CNOT1: variants seen among roughly 807,000 people sequenced by gnomAD.
CNOT1 encodes CCR4-NOT transcription complex subunit 1.
In CNOT1, 15 loss-of-function variants were observed where a neutral mutation model predicts 273.8. That is an observed-to-expected ratio of 0.05 (90% CI 0.04 to 0.08). CNOT1 has a LOEUF of 0.08. CNOT1 is among the 10% of genes least tolerant of loss of function. The pLI, the probability that CNOT1 is intolerant of heterozygous loss-of-function variation, is 1.00. For synonymous variants in CNOT1, 1,022 were observed against 1,005.5 expected, an observed-to-expected ratio of 1.02 and a Z score of -0.31; for missense variants, 1,644 against 2,912.2, an observed-to-expected ratio of 0.56 and a Z score of 10.02.
chr16:58,528,295 C>T (rs1567386492), intron 44 of CNOT1, 180 bp downstream of exon 44: 3 of 626,840 alleles, frequency 4.8e-6, no homozygotes, highest in Non-Finnish European at 2.8e-6. Context: ...TCACCAGCAA[C>T]AGCAATAGCA....
At chr16:58,597,959 A>T (rs1355508008) in intron 2 of CNOT1, 1 of 217,860 alleles carries the variant, frequency 4.6e-6, no homozygotes, top group Non-Finnish European at 9.1e-6. Flanking sequence ...GCCATCCCCA[A>T]CCCTGTTTAA....
chr16:58,536,393 C>T (rs549866112), intron 39 of CNOT1, among the ~76,000 whole-genome samples: 4 of 152,304 alleles, frequency 2.6e-5, no homozygotes, highest in Non-Finnish European at 5.9e-5. Context: ...TACTATGGCT[C>T]GGTTCCGACA....
intron 1 of CNOT1, among the ~76,000 whole-genome samples, chr16:58,613,201 T>A (rs2042958704): frequency 6.6e-6 from 1 of 152,018 alleles, no homozygotes; most frequent in Admixed American, 6.6e-5. Flanking sequence ...CCAGCTAATT[T>A]TTTTTTATTT....
chr16:58,601,734 T>TAAAAAAAAAAAAA (rs66711143), intron 1 of CNOT1, among the ~76,000 whole-genome samples: 2,410 of 91,282 alleles, frequency 0.026, 288 homozygotes, highest in Non-Finnish European at 0.033. Flanking sequence ...ATACCCACCT[T>TAAAAAAAAAAAAA]AAAAAAAAAA....
At chr16:58,552,517 T>C (rs2040486377) in intron 22 of CNOT1, among the ~76,000 whole-genome samples, 1 of 152,132 alleles carries the variant, frequency 6.6e-6, no homozygotes, top group African/African-American at 2.4e-5. Flanking sequence ...TCCCCTGCCA[T>C]CTCACTCTTT....
intron 2 of CNOT1, among the ~76,000 whole-genome samples, chr16:58,598,750 C>T (rs2042356852): frequency 6.6e-6 from 1 of 151,898 alleles, no homozygotes; most frequent in Admixed American, 6.6e-5. Flanking sequence ...AAATAAAAAG[C>T]TGTGAAAAAT....
intron 33 of CNOT1, 51 bp downstream of exon 33, chr16:58,542,180 T>A: frequency 6.3e-7 from 1 of 1,599,632 alleles, no homozygotes; most frequent in Non-Finnish European, 8.5e-7. Context: ...AACAACAACA[T>A]TAAAAATAAA....
In CNOT1 at chr16:58,545,468, T is replaced by C. The variant is rs1195465525; in HGVS notation, c.4030A>G (p.Asn1344Asp). The C allele has an allele frequency of 1.2e-6, 2 of 1,613,976 alleles. No individual in the cohort carries two copies. The highest frequency in any genetic ancestry group is 1.7e-6 in the Non-Finnish European group (2 of 1,179,962). Residue 1344 changes from asparagine to aspartate, a missense_variant, in exon 30 of 49, where the codon AAC (asparagine) becomes GAC (aspartate). Physicochemically the swap from Asn to Asp is conservative, Grantham distance 23 (BLOSUM62 1). Transcript: ENST00000317147. ...GGAACCGTGGCTGTACAAGTGGTGT[T>C]GGTAGCTGGTGTAGTAGAAGTTGCT... ...TTTTSTTPATNTTCTATVPPQ... is the reference protein window; with the variant it reads ...TTTTSTTPATDTTCTATVPPQ...
intron 30 of CNOT1, 59 bp downstream of exon 30, chr16:58,545,302 A>T (rs2040222074): frequency 3.1e-6 from 5 of 1,593,388 alleles, no homozygotes; most frequent in Non-Finnish European, 3.4e-6. Context: ...AAAGGTGGCC[A>T]AACAAAATTT....
chr16:58,559,901 A>G (rs1361651516), intron 17 of CNOT1: 1 of 656,704 alleles, frequency 1.5e-6, no homozygotes, highest in Non-Finnish European at 2.6e-6. Context: ...GAAGCTACAA[A>G]CAAGACACAT....
intron 2 of CNOT1, among the ~76,000 whole-genome samples, chr16:58,596,912 A>C (rs934060340): frequency 2.9e-5 from 4 of 137,172 alleles, no homozygotes; most frequent in Non-Finnish European, 4.9e-5. Context: ...AAAAAAAAAA[A>C]AAAAACAAAA....
At chr16:58,580,567 T>C in intron 12 of CNOT1, 66 bp downstream of exon 12, 2 of 1,560,484 alleles carry the variant, frequency 1.3e-6, no homozygotes, top group Non-Finnish European at 1.7e-6. Flanking sequence ...CTTGGCTTAC[T>C]ATTAACTTTA....
intron 21 of CNOT1, 61 bp downstream of exon 21, chr16:58,555,190 A>G (rs1222806795): frequency 6.3e-7 from 1 of 1,584,038 alleles, no homozygotes; most frequent in East Asian, 2.2e-5. Flanking sequence ...CCTGGATGAG[A>G]GTTAAGACCC....
In CNOT1 at chr16:58,520,202, T is replaced by C. The variant is rs984570924; in HGVS notation, c.*756A>G. 3 of 151,528 alleles carry C rather than the reference T, an allele frequency of 2.0e-5. No homozygotes were observed. Among genetic ancestry groups the C allele is most frequent in the African/African-American group, 7.3e-5 (3 of 41,136 alleles). 9.4% of individuals were successfully genotyped at this position (151,528 alleles called of 1,614,324 possible). On this transcript the variant is annotated 3_prime_UTR_variant, in exon 49 of 49. Transcript: ENST00000317147. ...TAATGAGATTTGGTTCCCTTTCCTA[T>C]ATTCCCACTGTTTTTAAGTTTCAGG...
intron 2 of CNOT1, among the ~76,000 whole-genome samples, chr16:58,596,212 C>T (rs2042243651): frequency 6.6e-6 from 1 of 152,160 alleles, no homozygotes; most frequent in Non-Finnish European, 1.5e-5. Flanking sequence ...CATCAGACCC[C>T]TGCACACTAC....
chr16:58,622,922 G>C (rs1365075861), intron 1 of CNOT1, among the ~76,000 whole-genome samples: 1 of 151,778 alleles, frequency 6.6e-6, no homozygotes, highest in Non-Finnish European at 1.5e-5. Flanking sequence ...TTTTGGCTGG[G>C]TGCAGTGGCT....
At chr16:58,561,736 G>A (rs1476156665) in intron 16 of CNOT1, among the ~76,000 whole-genome samples, 1 of 152,142 alleles carries the variant, frequency 6.6e-6, no homozygotes, top group African/African-American at 2.4e-5. Flanking sequence ...AATTTGAGGT[G>A]TATATTAAGC....
Position 58,599,514 on chromosome 16 carries a change from GT to G in CNOT1, c.-174-4del. 1 of 690,112 alleles carries G rather than the reference GT, an allele frequency of 1.4e-6. No homozygotes were observed. The highest frequency in any genetic ancestry group is 2.2e-6 in the Non-Finnish European group (1 of 445,468). 42.7% of individuals were successfully genotyped at this position (690,112 alleles called of 1,614,324 possible). ...TACTCTGTTCTGAAACATGGCACCTGTTTAAAAAAACACACACACACAAATC... is the reference window on the plus strand; with the variant it reads ...TACTCTGTTCTGAAACATGGCACCTGTTAAAAAAACACACACACACAAATC... On this transcript the variant is annotated splice_polypyrimidine_tract_variant and splice_region_variant and intron_variant, in intron 1 of 48. Transcript: ENST00000317147.
intron 1 of CNOT1, among the ~76,000 whole-genome samples, chr16:58,608,803 T>C (rs1389180216): frequency 6.6e-6 from 1 of 152,180 alleles, no homozygotes; most frequent in African/African-American, 2.4e-5. Flanking sequence ...AATGAATTAA[T>C]GGCATTCGCA....
Sources: gnomAD v4.1 joint callset for allele counts (sites outside exome capture counted in the v4.1 genomes callset) on GRCh38, gnomAD v4.1.1 for gene constraint, MANE v1.5 for transcripts, NCBI Gene and HGNC (gene_info 2026-07-23, HGNC 2026-07-21) for gene names.